The following DPRX variants were observed in gnomAD, a reference collection of about 807,000 sequenced individuals.
DPRX encodes divergent paired-related homeobox.
DPRX carries 11 observed loss-of-function variants against 8.4 expected under a neutral mutation model. The ratio of observed to expected loss-of-function variants is 1.31; its 90% CI spans 0.82 to 2.17. The LOEUF is 2.17. Ranked by LOEUF, DPRX falls within the 30% of genes most tolerant of loss-of-function variation. The pLI, the probability that DPRX is intolerant of heterozygous loss-of-function variation, is 0.00. For missense variants in DPRX, 211 were observed against 236.7 expected, an observed-to-expected ratio of 0.89 and a Z score of 0.71; for synonymous variants, 72 against 87.0, an observed-to-expected ratio of 0.83 and a Z score of 0.96.
At chr19:53,615,408 G>A in the DPRX span, among the ~76,000 whole-genome samples, 1 of 152,044 alleles carries the variant, frequency 6.6e-6, no homozygotes, top group African/African-American at 2.4e-5. Context: ...AGCCTCCTGA[G>A]TAGCTGGGAT....
the DPRX span, among the ~76,000 whole-genome samples, chr19:53,614,415 T>C: frequency 6.6e-5 from 10 of 152,164 alleles, no homozygotes; most frequent in South Asian, 2.1e-4. Flanking sequence ...AGACCCTTAA[T>C]AGGCGGACCA....
chr19:53,615,150 G>A, the DPRX span, among the ~76,000 whole-genome samples: 1 of 151,782 alleles, frequency 6.6e-6, no homozygotes, highest in Non-Finnish European at 1.5e-5. Context: ...TTTTGGACTT[G>A]TAGTAGAGAC....
chr19:53,603,140 T>C, the DPRX span, among the ~76,000 whole-genome samples: 1 of 151,068 alleles, frequency 6.6e-6, no homozygotes, highest in Non-Finnish European at 1.5e-5. Flanking sequence ...AAGCCTCGAC[T>C]GCCCAGGCTC....
intron 2 of DPRX, among the ~76,000 whole-genome samples, chr19:53,635,028 G>A (rs1287249174): frequency 2.0e-5 from 3 of 152,148 alleles, no homozygotes; most frequent in Non-Finnish European, 2.9e-5. Flanking sequence ...GTTGGAGCAC[G>A]GTGGTGCAAT....
At position 53,636,889 on chromosome 19, in the gene DPRX, T is replaced by C. The variant is rs200737613; in HGVS notation, c.477T>C (p.Asn159=). 353 of 1,614,196 alleles carry C rather than the reference T, an allele frequency of 2.2e-4. 2 individuals are homozygous for C. The highest frequency in any genetic ancestry group is 8.2e-4 in the Middle Eastern group (5 of 6,062). Residue 159 remains asparagine, a synonymous_variant, in exon 3 of 3, where the codon AAT becomes AAC. Coordinates refer to ENST00000376650, the Ensembl canonical transcript of DPRX. ...ATTTTGGCTGCTGCCGAGATCCTAA[T>C]ATATACTGCCTCTACCCCATTTTGG...
chr19:53,636,849 G>A (rs1450604421), exon 3 of DPRX: 1 of 1,614,002 alleles, frequency 6.2e-7, no homozygotes, highest in Non-Finnish European at 8.5e-7. Flanking sequence ...GACTTCATTG[G>A]CCACAGAATA....
At chr19:53,608,182 G>GTAAA in the DPRX span, 14 of 115,924 alleles carry the variant, frequency 1.2e-4, no homozygotes, top group East Asian at 2.6e-4. Context: ...AAAAAAAAAA[G>GTAAA]TAAATAAATA....
chr19:53,623,038 G>C, the DPRX span, among the ~76,000 whole-genome samples: 1 of 152,080 alleles, frequency 6.6e-6, no homozygotes, highest in Non-Finnish European at 1.5e-5. Context: ...AAGCCCGGTG[G>C]CTCACACCTG....
At chr19:53,609,165 T>C in the DPRX span, among the ~76,000 whole-genome samples, 1 of 151,348 alleles carries the variant, frequency 6.6e-6, no homozygotes, top group Non-Finnish European at 1.5e-5. Context: ...CAACATGGTA[T>C]TGGTATAAAA....
At chr19:53,616,870 C>T in the DPRX span, 139 of 1,585,158 alleles carry the variant, frequency 8.8e-5, no homozygotes, top group Admixed American at 4.5e-4. Context: ...GAAGAAGCCG[C>T]CCTGGCTGCA....
At chr19:53,618,421 T>C in the DPRX span, among the ~76,000 whole-genome samples, 1 of 151,274 alleles carries the variant, frequency 6.6e-6, no homozygotes, top group Non-Finnish European at 1.5e-5. Context: ...AACAATAACA[T>C]GTATGAAAGG....
the DPRX span, among the ~76,000 whole-genome samples, chr19:53,612,070 C>T: frequency 1.3e-5 from 2 of 149,228 alleles, no homozygotes; most frequent in East Asian, 2.0e-4. Context: ...GGTGACAGAG[C>T]GAGACTCCAC....
At chr19:53,634,112 G>A (rs890704602) in intron 1 of DPRX, among the ~76,000 whole-genome samples, 3 of 152,086 alleles carry the variant, frequency 2.0e-5, no homozygotes, top group Non-Finnish European at 2.9e-5. Flanking sequence ...GCACGACCCC[G>A]GCCAGCAGTG....
chr19:53,601,978 G>C, the DPRX span: 3 of 454,790 alleles, frequency 6.6e-6, no homozygotes, highest in East Asian at 2.1e-4. Flanking sequence ...GGGTGGTGTG[G>C]GGACATAAGG....
chr19:53,601,433 AG>A, the DPRX span: 1 of 448,200 alleles, frequency 2.2e-6, no homozygotes, highest in East Asian at 7.1e-5. Flanking sequence ...CCTTATTCCA[AG>A]GGGTGGGAAG....
upstream of DPRX, among the ~76,000 whole-genome samples, chr19:53,631,785 A>G (rs1177477992): frequency 6.6e-6 from 1 of 151,960 alleles, no homozygotes; most frequent in Non-Finnish European, 1.5e-5. Flanking sequence ...AAGAAAAGAA[A>G]TTGCAGCTTC....
chr19:53,610,666 C>T, the DPRX span, among the ~76,000 whole-genome samples: 27 of 152,190 alleles, frequency 1.8e-4, no homozygotes, highest in African/African-American at 6.0e-4. Context: ...AGGCTGCCTG[C>T]AGCTCAGGAT....
the DPRX span, among the ~76,000 whole-genome samples, chr19:53,613,239 G>A: frequency 2.0e-5 from 3 of 152,058 alleles, no homozygotes; most frequent in Non-Finnish European, 4.4e-5. Context: ...AGCTTTCAAA[G>A]CGCCTGTCAA....
At chr19:53,626,206 G>A in the DPRX span, among the ~76,000 whole-genome samples, 1 of 152,046 alleles carries the variant, frequency 6.6e-6, no homozygotes, top group Non-Finnish European at 1.5e-5. Flanking sequence ...CCAAAATGCT[G>A]GGAATACAGA....
Sources: allele counts gnomAD v4.1 joint callset (sites outside exome capture counted in the v4.1 genomes callset), GRCh38; gene constraint gnomAD v4.1.1; transcripts MANE v1.5; gene names NCBI Gene and HGNC (gene_info 2026-07-23, HGNC 2026-07-21).